VRK2: variants seen among roughly 807,000 people sequenced by gnomAD.
VRK2 encodes the protein VRK serine/threonine kinase 2, also known as serine/threonine-protein kinase VRK2.
VRK2 carries 60 observed loss-of-function variants against 57.6 expected under a neutral mutation model. The ratio of observed to expected loss-of-function variants is 1.04; its 90% CI spans 0.85 to 1.29. The LOEUF (loss-of-function observed/expected upper bound fraction) is 1.29. VRK2 is among the 50% of genes most tolerant of loss of function. VRK2 has a pLI of 0.00. For missense variants in VRK2, 705 were observed against 588.1 expected (o/e 1.20, Z -2.06); for synonymous variants, 231 against 199.2 (o/e 1.16, Z -1.35).
intron 1 of VRK2, among the ~76,000 whole-genome samples, chr2:57,993,539 G>A (rs904383929): frequency 2.0e-4 from 31 of 151,600 alleles, no homozygotes; most frequent in African/African-American, 6.5e-4. Flanking sequence ...CATTTAAATC[G>A]CATTGCACAT....
intron 1 of VRK2, among the ~76,000 whole-genome samples, chr2:57,955,082 T>C (rs1264590233): frequency 6.6e-6 from 1 of 152,136 alleles, no homozygotes; most frequent in Admixed American, 6.6e-5. Context: ...GTGAAGAACA[T>C]CTTATGGCCT....
chr2:58,047,206 C>T (rs1352972633), intron 1 of VRK2: 7 of 251,384 alleles, frequency 2.8e-5, no homozygotes, highest in East Asian at 3.6e-4. Context: ...GCCGTAGGTC[C>T]CCGGCGTGCT....
intron 7 of VRK2, among the ~76,000 whole-genome samples, chr2:58,090,400 C>CAAAAAAAAAAA (rs888066524): frequency 2.0e-5 from 1 of 49,342 alleles, no homozygotes; most frequent in Non-Finnish European, 4.6e-5. Context: ...AACTCCATCT[C>CAAAAAAAAAAA]AAAAAAAAAA....
rs60379025 is a variant in VRK2 at position 58,151,731 on chromosome 2, GTTTTTTTTTTTTTTTTTT to G, written c.1182+5276_1182+5293del. Reference sequence around the variant, plus strand: ...TTTTTTTAACTATGCTTCTATGCTTGTTTTTTTTTTTTTTTTTTTTTTTTTTTTTTTTTTTTGGTGGTC... The same window carrying G: ...TTTTTTTAACTATGCTTCTATGCTTGTTTTTTTTTTTTTTTTTTGGTGGTC... On this transcript the variant is annotated intron_variant, in intron 12 of 12. Transcript: ENST00000340157. Among the ~76,000 whole-genome samples, 91 of 16,724 alleles carry G rather than the reference GTTTTTTTTTTTTTTTTTT, an allele frequency of 5.4e-3. 1 individual carries two copies. Among genetic ancestry groups the G allele is most frequent in the East Asian group, 0.03 (11 of 372 alleles). 11.0% of individuals were successfully genotyped at this position (16,724 alleles called of 152,430 possible).
chr2:58,120,131 C>T (rs1677195704), intron 7 of VRK2, among the ~76,000 whole-genome samples: 2 of 148,032 alleles, frequency 1.4e-5, no homozygotes, highest in African/African-American at 5.0e-5. Flanking sequence ...CAGTAAATAG[C>T]TAATGTATGT....
rs1252756549 is a variant in VRK2, at chr2:58,159,570, T to G, written c.1404T>G (p.Thr468=). ...STGITDLESS[T]GLWPTISQFT... ...GGATCACAGACTTAGAAAGTTCAACTGGACTTTGGCCTACAATTTCCCAGT... is the reference window on the plus strand; with the variant it reads ...GGATCACAGACTTAGAAAGTTCAACGGGACTTTGGCCTACAATTTCCCAGT... Residue 468 remains threonine, a synonymous_variant, in exon 13 of 13, where the codon ACT becomes ACG. Transcript: ENST00000340157. 1.2e-6 allele frequency: 2 copies of G among 1,613,874 alleles called. No individual in the cohort carries two copies. Among genetic ancestry groups the G allele is most frequent in the East Asian group, 2.2e-5 (1 of 44,852 alleles).
chr2:58,137,233 C>CAT (rs1298821354), intron 10 of VRK2, among the ~76,000 whole-genome samples: 1 of 29,412 alleles, frequency 3.4e-5, no homozygotes, highest in Non-Finnish European at 1.1e-4. Context: ...TCATATGATA[C>CAT]ATATATATCA....
intron 7 of VRK2, among the ~76,000 whole-genome samples, chr2:58,095,293 C>CAAAAAAAAA (rs1231159019): frequency 0.023 from 1,544 of 66,462 alleles, 42 homozygotes; most frequent in African/African-American, 0.079. Context: ...GACTCCGTCT[C>CAAAAAAAAA]AAAAAAAAAA....
chr2:58,039,814 A>T (rs1020989632), intron 3 of VRK2, among the ~76,000 whole-genome samples: 7 of 152,140 alleles, frequency 4.6e-5, no homozygotes, highest in African/African-American at 1.7e-4. Context: ...GAGTATTTTT[A>T]AAAATTTTTT....
At chr2:57,984,852 T>C (rs1020389343) in intron 1 of VRK2, among the ~76,000 whole-genome samples, 2 of 152,144 alleles carry the variant, frequency 1.3e-5, no homozygotes, top group African/African-American at 2.4e-5. Context: ...AAGGGATCAT[T>C]ATAAAATAAG....
chr2:58,021,992 A>C (rs1186056956), intron 1 of VRK2, among the ~76,000 whole-genome samples: 6 of 152,236 alleles, frequency 3.9e-5, no homozygotes, highest in Non-Finnish European at 8.8e-5. Context: ...ACGTTGGTAA[A>C]TTATACCTTC....
At chr2:57,935,464 G>A (rs1458734739) in intron 1 of VRK2, among the ~76,000 whole-genome samples, 1 of 152,090 alleles carries the variant, frequency 6.6e-6, no homozygotes, top group Non-Finnish European at 1.5e-5. Flanking sequence ...ATTCAGTAGG[G>A]TCAAATCATC....
intron 1 of VRK2, among the ~76,000 whole-genome samples, chr2:57,977,964 A>G (rs1262138351): frequency 3.3e-5 from 5 of 151,214 alleles, no homozygotes; most frequent in Non-Finnish European, 7.4e-5. Context: ...TTCTGCATCT[A>G]TTGAGATGAT....
At chr2:57,907,724 T>C (rs1312142045) in exon 1 of VRK2, 1 of 152,250 alleles carries the variant, frequency 6.6e-6, no homozygotes, top group Non-Finnish European at 1.5e-5. Flanking sequence ...GGGGAAAGTA[T>C]GCTATTTCCT....
upstream of VRK2, among the ~76,000 whole-genome samples, chr2:58,043,480 A>C (rs1259200431): frequency 6.6e-6 from 1 of 152,186 alleles, no homozygotes; most frequent in Non-Finnish European, 1.5e-5. Flanking sequence ...GATTTCGAAT[A>C]AATTATTATA....
At chr2:58,040,937 A>G (rs1435908657) in intron 3 of VRK2, 5 of 732,046 alleles carry the variant, frequency 6.8e-6, no homozygotes, top group Non-Finnish European at 8.3e-6. Context: ...CAGGAAAACT[A>G]TTTCTTACTT....
intron 1 of VRK2, among the ~76,000 whole-genome samples, chr2:58,008,574 A>G (rs1246023746): frequency 1.3e-5 from 2 of 152,084 alleles, no homozygotes; most frequent in African/African-American, 4.8e-5. Flanking sequence ...GAAGGAAACT[A>G]ACAATCTAAG....
intron 1 of VRK2, among the ~76,000 whole-genome samples, chr2:57,941,407 C>T (rs1056677560): frequency 1.9e-4 from 29 of 152,030 alleles, no homozygotes; most frequent in Admixed American, 6.5e-5. Flanking sequence ...CATGAGCACC[C>T]GAAATAGAAA....
intron 2 of VRK2, among the ~76,000 whole-genome samples, chr2:58,051,277 C>G (rs1373132627): frequency 6.6e-6 from 1 of 152,098 alleles, no homozygotes; most frequent in Non-Finnish European, 1.5e-5. Context: ...TTAGCAAGTA[C>G]ACACCACTGA....
Sources: allele counts gnomAD v4.1 joint callset (sites outside exome capture counted in the v4.1 genomes callset), GRCh38; gene constraint gnomAD v4.1.1; transcripts MANE v1.5; gene names NCBI Gene and HGNC (gene_info 2026-07-23, HGNC 2026-07-21).